Variants in ATP8B4 observed in about 807,000 individuals in gnomAD.
ATP8B4 encodes the protein ATPase phospholipid transporting 8B4 (putative), also known as probable phospholipid-transporting ATPase IM.
ATP8B4 carries 133 observed loss-of-function variants against 145.6 expected under a neutral mutation model. The observed-to-expected ratio is 0.91, with a 90% CI of 0.79 to 1.05. The LOEUF is 1.05. Ranked by LOEUF, ATP8B4 falls within the 50% of genes least tolerant of loss-of-function variation. The probability of loss-of-function intolerance (pLI) is 0.00; values close to 1 mark genes in which losing one functional copy is unlikely to be tolerated. For missense variants in ATP8B4, 1,458 were observed against 1,425.2 expected (o/e 1.02, Z -0.37); for synonymous variants, 507 against 492.9 (o/e 1.03, Z -0.38).
chr15:49,970,694 T>A (rs1359447365), intron 13 of ATP8B4, among the ~76,000 whole-genome samples: 6 of 151,946 alleles, frequency 3.9e-5, no homozygotes, highest in African/African-American at 1.5e-4. Flanking sequence ...TGGCCATACT[T>A]CCCAAAGTAA....
intron 1 of ATP8B4, among the ~76,000 whole-genome samples, chr15:50,163,010 T>C (rs1280211514): frequency 6.6e-6 from 1 of 152,226 alleles, no homozygotes; most frequent in Non-Finnish European, 1.5e-5. Context: ...CTGATAGGAT[T>C]CTGAATTCCT....
At chr15:50,038,226 A>G (rs1471567540) in intron 6 of ATP8B4, among the ~76,000 whole-genome samples, 1 of 152,206 alleles carries the variant, frequency 6.6e-6, no homozygotes, top group East Asian at 1.9e-4. Flanking sequence ...TGTGTTTTTA[A>G]AGCATTTCTG....
At chr15:50,090,644 C>G (rs939671943) in intron 2 of ATP8B4, among the ~76,000 whole-genome samples, 1 of 152,068 alleles carries the variant, frequency 6.6e-6, no homozygotes, top group East Asian at 1.9e-4. Flanking sequence ...ATTTCTGTTT[C>G]GTTTTTAAAA....
intron 2 of ATP8B4, among the ~76,000 whole-genome samples, chr15:50,095,235 T>A (rs1419229231): frequency 1.3e-5 from 2 of 152,002 alleles, no homozygotes; most frequent in African/African-American, 4.8e-5. Flanking sequence ...ATGTCATATA[T>A]TAGAGGAAAT....
intron 1 of ATP8B4, among the ~76,000 whole-genome samples, chr15:50,180,421 C>T (rs965210097): frequency 6.6e-6 from 1 of 152,150 alleles, no homozygotes; most frequent in African/African-American, 2.4e-5. Flanking sequence ...TACTTAAATT[C>T]CTGTTTCTGC....
chr15:50,079,909 G>A (rs568813625), intron 2 of ATP8B4, among the ~76,000 whole-genome samples: 5 of 152,236 alleles, frequency 3.3e-5, no homozygotes, highest in East Asian at 3.9e-4. Context: ...TACAAGACCC[G>A]AAAGAAGATC....
chr15:50,064,642 A>C (rs537183916), intron 3 of ATP8B4, among the ~76,000 whole-genome samples: 33 of 152,246 alleles, frequency 2.2e-4, no homozygotes, highest in African/African-American at 7.9e-4. Flanking sequence ...CAAATTGTAT[A>C]CTTGATGTAT....
chr15:49,879,972 C>T (rs777380527), intron 23 of ATP8B4: 3 of 152,248 alleles, frequency 2.0e-5, no homozygotes, highest in Non-Finnish European at 4.4e-5. Flanking sequence ...AGCAAAACAA[C>T]AAAAATATCC....
At chr15:50,143,890 C>T (rs1436575543) in intron 1 of ATP8B4, among the ~76,000 whole-genome samples, 3 of 152,162 alleles carry the variant, frequency 2.0e-5, no homozygotes. Context: ...TGTAGACTGC[C>T]TTGCATGTCT....
chr15:49,918,736 T>C, intron 19 of ATP8B4, 103 bp downstream of exon 19: 1 of 783,574 alleles, frequency 1.3e-6, no homozygotes, highest in South Asian at 1.8e-5. Context: ...TGTGGAAGAT[T>C]GGGTGAATAT....
At chr15:49,946,626 G>C (rs991377017) in intron 14 of ATP8B4, among the ~76,000 whole-genome samples, 1 of 149,496 alleles carries the variant, frequency 6.7e-6, no homozygotes, top group Non-Finnish European at 1.5e-5. Flanking sequence ...AAATCTCTCT[G>C]CCTGACTCTT....
intron 9 of ATP8B4, among the ~76,000 whole-genome samples, chr15:49,996,309 C>A (rs1415517650): frequency 6.6e-6 from 1 of 151,912 alleles, no homozygotes; most frequent in Non-Finnish European, 1.5e-5. Context: ...TGTTATGGAG[C>A]CAGGAAATGG....
chr15:50,113,858 A>C (rs894172467), intron 1 of ATP8B4, among the ~76,000 whole-genome samples: 1 of 150,750 alleles, frequency 6.6e-6, no homozygotes, highest in African/African-American at 2.4e-5. Context: ...AAAAAAAAAA[A>C]AAAAAAAGCC....
intron 3 of ATP8B4, among the ~76,000 whole-genome samples, chr15:50,049,360 C>T (rs1203301769): frequency 6.6e-6 from 1 of 152,152 alleles, no homozygotes; most frequent in Non-Finnish European, 1.5e-5. Flanking sequence ...TCCATGAGTA[C>T]TCATTGTTTA....
intron 6 of ATP8B4, among the ~76,000 whole-genome samples, chr15:50,028,505 GA>G (rs2153588538): frequency 6.6e-6 from 1 of 152,206 alleles, no homozygotes; most frequent in East Asian, 1.9e-4. Flanking sequence ...ATACTGACAA[GA>G]ACTTTTGAGA....
intron 16 of ATP8B4, among the ~76,000 whole-genome samples, chr15:49,927,345 C>G (rs756028354): frequency 6.6e-6 from 1 of 151,980 alleles, no homozygotes; most frequent in Non-Finnish European, 1.5e-5. Context: ...AGGGGAGGAT[C>G]AGCAGCAACA....
Position 50,105,564 on chromosome 15 carries a change from T to G in ATP8B4, c.28+1375A>C, listed in dbSNP as rs374217648. ...GGAGGTTTCAAAATAATGTACAGGATAATTCCATTTGGGGATATATATTTG... is the reference window on the plus strand; with the variant it reads ...GGAGGTTTCAAAATAATGTACAGGAGAATTCCATTTGGGGATATATATTTG... On this transcript the variant is annotated intron_variant, in intron 2 of 27. Transcript: ENST00000284509. Among the ~76,000 whole-genome samples the G allele has an allele frequency of 2.8e-4, 42 of 152,246 alleles. 2 individuals are homozygous for G. The East Asian group carries it at 6.0e-3, about 22-fold the overall frequency.
chr15:50,156,580 G>T (rs910943785), intron 1 of ATP8B4, among the ~76,000 whole-genome samples: 29 of 151,940 alleles, frequency 1.9e-4, no homozygotes, highest in Non-Finnish European at 4.4e-5. Flanking sequence ...TTCAAGGTAG[G>T]CAAAAAAGAG....
chr15:50,125,136 C>T (rs2057298840), intron 1 of ATP8B4, among the ~76,000 whole-genome samples: 1 of 152,172 alleles, frequency 6.6e-6, no homozygotes. Context: ...GTCCTTCCAA[C>T]AATCAGGGCA....
Sources: gnomAD v4.1 joint callset for allele counts (sites outside exome capture counted in the v4.1 genomes callset) on GRCh38, gnomAD v4.1.1 for gene constraint, MANE v1.5 for transcripts, NCBI Gene and HGNC (gene_info 2026-07-23, HGNC 2026-07-21) for gene names.